Variants in EXOC4 observed in about 807,000 individuals in gnomAD.
EXOC4 encodes the protein exocyst complex component 4.
In EXOC4, 71 loss-of-function variants were observed where a neutral mutation model predicts 107.2. The ratio of observed to expected loss-of-function variants is 0.66; its 90% CI spans 0.55 to 0.81. EXOC4 has a LOEUF of 0.81. EXOC4 is among the 30% of genes least tolerant of loss of function. The pLI is 0.00. For missense variants in EXOC4, 1,108 were observed against 1,189.6 expected, an observed-to-expected ratio of 0.93 and a Z score of 1.01; for synonymous variants, 456 against 441.2, an observed-to-expected ratio of 1.03 and a Z score of -0.42.
intron 17 of EXOC4, among the ~76,000 whole-genome samples, chr7:134,051,737 G>A (rs903129500): frequency 2.0e-5 from 3 of 149,568 alleles, no homozygotes; most frequent in African/African-American, 7.4e-5. Context: ...TGTAATCCCA[G>A]CACTTTGGAA....
At chr7:134,014,068 C>T (rs115750150) in intron 17 of EXOC4, among the ~76,000 whole-genome samples, 2,650 of 152,222 alleles carry the variant, frequency 0.017, 77 homozygotes, top group African/African-American at 0.06. Context: ...TACAAAAATA[C>T]GCACACAAAT....
chr7:133,585,719 A>G (rs911176034), intron 9 of EXOC4, among the ~76,000 whole-genome samples: 1 of 152,026 alleles, frequency 6.6e-6, no homozygotes, highest in African/African-American at 2.4e-5. Context: ...TCTGAGACAG[A>G]TTTTTGTTCT....
intron 9 of EXOC4, among the ~76,000 whole-genome samples, chr7:133,562,804 T>C (rs1388484213): frequency 6.6e-6 from 1 of 152,214 alleles, no homozygotes; most frequent in Non-Finnish European, 1.5e-5. Flanking sequence ...AATGTGTCTT[T>C]AGTAATCCTC....
chr7:133,895,584 G>A lies in EXOC4; in HGVS notation c.1735-15G>A. ...TACAGAAATCTCATATCCTCTCTTT[G>A]TTGTTCATTTCCAGAGCACAATCAT... On this transcript the variant is annotated splice_polypyrimidine_tract_variant and intron_variant, in intron 11 of 17. Transcript: ENST00000253861. 1 of 1,612,754 alleles carries A rather than the reference G, an allele frequency of 6.2e-7. No homozygotes were observed. Among genetic ancestry groups the A allele is most frequent in the Non-Finnish European group, 8.5e-7 (1 of 1,179,214 alleles).
At chr7:133,364,565 T>C (rs888709012) in intron 6 of EXOC4, among the ~76,000 whole-genome samples, 2 of 152,070 alleles carry the variant, frequency 1.3e-5, no homozygotes, top group African/African-American at 2.4e-5. Context: ...CACTAGAGAG[T>C]TGGAAATGCA....
chr7:133,505,839 C>T (rs986709890), intron 9 of EXOC4, among the ~76,000 whole-genome samples: 26 of 152,102 alleles, frequency 1.7e-4, no homozygotes, highest in African/African-American at 6.3e-4. Flanking sequence ...TTTTACATTT[C>T]TCTCTGGGAG....
At chr7:133,345,437 A>G (rs1431139105) in intron 5 of EXOC4, among the ~76,000 whole-genome samples, 1 of 152,170 alleles carries the variant, frequency 6.6e-6, no homozygotes, top group Non-Finnish European at 1.5e-5. Context: ...GTGATTATAA[A>G]TGTAAACTGT....
intron 17 of EXOC4, among the ~76,000 whole-genome samples, chr7:134,016,520 A>G (rs1487631382): frequency 6.6e-6 from 1 of 152,214 alleles, no homozygotes; most frequent in Non-Finnish European, 1.5e-5. Context: ...TCTTCCCAAT[A>G]AATGGAAGCA....
chr7:133,626,420 T>G (rs1396804930), intron 9 of EXOC4, among the ~76,000 whole-genome samples: 1 of 152,162 alleles, frequency 6.6e-6, no homozygotes, highest in Admixed American at 6.5e-5. Flanking sequence ...TTGGCTCTAT[T>G]TATTGGTAAT....
At chr7:133,926,811 CTTTAT>C (rs1800062531) in intron 13 of EXOC4, among the ~76,000 whole-genome samples, 1 of 152,084 alleles carries the variant, frequency 6.6e-6, no homozygotes, top group Non-Finnish European at 1.5e-5. Context: ...AAAATAACTT[CTTTAT>C]TTTATCTGGA....
intron 5 of EXOC4, among the ~76,000 whole-genome samples, chr7:133,325,768 G>C (rs1016403190): frequency 1.3e-5 from 2 of 152,156 alleles, no homozygotes; most frequent in African/African-American, 4.8e-5. Flanking sequence ...TGCCTTGCTA[G>C]GTTGGGGAAG....
chr7:133,801,622 C>T (rs1207374797), intron 10 of EXOC4, among the ~76,000 whole-genome samples: 1 of 152,136 alleles, frequency 6.6e-6, no homozygotes, highest in East Asian at 1.9e-4. Context: ...GGTAATTGTG[C>T]TGTTAGGGGA....
intron 17 of EXOC4, among the ~76,000 whole-genome samples, chr7:134,038,382 A>G (rs2116514696): frequency 6.6e-6 from 1 of 152,238 alleles, no homozygotes; most frequent in East Asian, 1.9e-4. Flanking sequence ...CAAGTGCTGT[A>G]TTGATACTCT....
intron 10 of EXOC4, among the ~76,000 whole-genome samples, chr7:133,634,058 C>T (rs1028386431): frequency 2.6e-5 from 4 of 152,172 alleles, no homozygotes; most frequent in African/African-American, 9.7e-5. Flanking sequence ...TTCCAACCAC[C>T]CTTCTAAGAA....
At chr7:133,825,056 A>G (rs549453412) in intron 11 of EXOC4, among the ~76,000 whole-genome samples, 1 of 152,162 alleles carries the variant, frequency 6.6e-6, no homozygotes, top group African/African-American at 2.4e-5. Context: ...GCAGTGTGGA[A>G]GTATTGCCAT....
At chr7:134,060,012 TTAAAA>T (rs1796020247) in intron 17 of EXOC4, among the ~76,000 whole-genome samples, 1 of 152,084 alleles carries the variant, frequency 6.6e-6, no homozygotes, top group South Asian at 2.1e-4. Flanking sequence ...TGCAATACCA[TTAAAA>T]TAAAGCACAA....
intron 10 of EXOC4, among the ~76,000 whole-genome samples, chr7:133,774,341 G>A (rs1160577622): frequency 6.6e-6 from 1 of 151,946 alleles, no homozygotes. Flanking sequence ...TGTTTGTAAA[G>A]GTTTAAAGAT....
At chr7:133,628,976 T>G (rs1011143277) in intron 9 of EXOC4, among the ~76,000 whole-genome samples, 4 of 152,218 alleles carry the variant, frequency 2.6e-5, no homozygotes, top group Non-Finnish European at 5.9e-5. Flanking sequence ...GATGACAATG[T>G]TTAGAAAACA....
At chr7:133,446,737 G>A (rs187026321) in intron 7 of EXOC4, among the ~76,000 whole-genome samples, 28 of 152,282 alleles carry the variant, frequency 1.8e-4, no homozygotes, top group Admixed American at 9.8e-4. Flanking sequence ...AATTTCAGAA[G>A]CCATGGACTG....
Sources: gnomAD v4.1 joint callset for allele counts (sites outside exome capture counted in the v4.1 genomes callset) on GRCh38, gnomAD v4.1.1 for gene constraint, MANE v1.5 for transcripts, NCBI Gene and HGNC (gene_info 2026-07-23, HGNC 2026-07-21) for gene names.